Variants in KIR2DL4 observed in about 807,000 individuals in gnomAD.
KIR2DL4 encodes killer cell immunoglobulin-like receptor 2DL4.
KIR2DL4 carries 41 observed loss-of-function variants against 31.0 expected under a neutral mutation model. That is an observed-to-expected ratio of 1.32 (90% CI 1.03 to 1.72). The LOEUF is 1.72. KIR2DL4 is among the 40% of genes most tolerant of loss of function. The pLI is 0.00. For synonymous variants in KIR2DL4, 164 were observed against 133.6 expected (o/e 1.23, Z -1.57); for missense variants, 438 against 353.7 (o/e 1.24, Z -1.91).
intron 2 of KIR2DL4, among the ~76,000 whole-genome samples, chr19:54,804,158 G>A (rs1302223458): frequency 9.3e-6 from 1 of 107,700 alleles, no homozygotes; most frequent in Non-Finnish European, 2.0e-5. Context: ...GGTATGCTCA[G>A]CCCTCTGTTT....
intron 4 of KIR2DL4, among the ~76,000 whole-genome samples, 188 bp downstream of exon 4, chr19:54,806,432 C>T (rs1477005876): frequency 6.6e-6 from 1 of 151,150 alleles, no homozygotes; most frequent in East Asian, 1.9e-4. Context: ...TGCATGGAAG[C>T]TTGCAGTAAG....
chr19:54,806,378 C>T (rs1601147964), intron 4 of KIR2DL4, 134 bp downstream of exon 4: 1 of 1,027,554 alleles, frequency 9.7e-7, no homozygotes, highest in Non-Finnish European at 1.4e-6. Flanking sequence ...GGGATCAGGG[C>T]ACAGGATGGC....
intron 5 of KIR2DL4, among the ~76,000 whole-genome samples, chr19:54,810,105 A>C (rs1473785473): frequency 6.8e-6 from 1 of 147,360 alleles, no homozygotes; most frequent in Non-Finnish European, 1.5e-5. Context: ...GCATCTGTGC[A>C]TGAGAATGAT....
intron 2 of KIR2DL4, 115 bp from the exon 3 acceptor site, chr19:54,804,678 C>A: frequency 8.9e-7 from 1 of 1,129,682 alleles, no homozygotes; most frequent in East Asian, 2.4e-5. Context: ...TAGCCCCAGG[C>A]ACCCAGGTGT....
chr19:54,813,201 CCTT>C lies in KIR2DL4; in HGVS notation c.785_787del (p.Leu262del), dbSNP rs762372132. The stretch of plus-strand genomic sequence containing the variant: ...TCTTTACCATCCTTCCCTTCTTTCT[CCTT>C]CATCGCTGGTGCTCCAAAAAAAAAG... On this transcript the variant is annotated inframe_deletion, in exon 6 of 8. Transcript: ENST00000359085. 26 of 1,531,210 alleles carry C rather than the reference CCTT, an allele frequency of 1.7e-5. No individual in the cohort carries two copies. The East Asian group carries it at 6.0e-4, about 36-fold the overall frequency. 94.9% of individuals were successfully genotyped at this position (1,531,210 alleles called of 1,614,324 possible).
chr19:54,808,872 G>T, exon 5 of KIR2DL4: 1 of 1,604,740 alleles, frequency 6.2e-7, no homozygotes, highest in Non-Finnish European at 8.5e-7. Context: ...ACTGAACCAA[G>T]CTTCAAAACT....
exon 4 of KIR2DL4, chr19:54,806,179 G>A (rs1397909960): frequency 1.2e-6 from 2 of 1,611,524 alleles, no homozygotes; most frequent in East Asian, 2.2e-5. Context: ...AGATGCTTCG[G>A]CTCTTTCCAT....
intron 1 of KIR2DL4, 36 bp from the exon 2 acceptor site, chr19:54,803,855 C>G: frequency 6.3e-7 from 1 of 1,598,524 alleles, no homozygotes; most frequent in Non-Finnish European, 8.6e-7. Context: ...TAGGTTGCTG[C>G]CGAGATGAAT....
exon 4 of KIR2DL4, chr19:54,806,238 G>C (rs901846164): frequency 1.9e-6 from 3 of 1,609,844 alleles, no homozygotes; most frequent in Non-Finnish European, 2.5e-6. Context: ...GCCTGTTTCT[G>C]TCACAGGTGA....
intron 7 of KIR2DL4, 40 bp from the exon 7 acceptor site, chr19:54,813,802 T>A (rs2061029969): frequency 1.2e-6 from 2 of 1,611,608 alleles, no homozygotes; most frequent in East Asian, 4.5e-5. Context: ...TCCTGAAAAA[T>A]GTGAACACCC....
At chr19:54,813,114 T>C (rs1282164122) in intron 5 of KIR2DL4, 4 of 1,438,156 alleles carry the variant, frequency 2.8e-6, no homozygotes, top group African/African-American at 1.7e-5. Context: ...TGGATTCCCA[T>C]CTTCCTCCAG....
intron 6 of KIR2DL4, 103 bp from the exon 6 acceptor site, chr19:54,813,587 A>T: frequency 8.4e-7 from 1 of 1,187,596 alleles, no homozygotes. Context: ...CAGCTGAGGG[A>T]CCTCAGGCAC....
intron 5 of KIR2DL4, among the ~76,000 whole-genome samples, chr19:54,812,424 C>T (rs1391929713): frequency 6.6e-6 from 1 of 151,350 alleles, no homozygotes; most frequent in Non-Finnish European, 1.5e-5. Context: ...TGATGTTCTC[C>T]TCCAGGAAGA....
intron 5 of KIR2DL4, among the ~76,000 whole-genome samples, chr19:54,809,858 C>A (rs2060751683): frequency 6.6e-6 from 1 of 151,018 alleles, no homozygotes; most frequent in Admixed American, 6.6e-5. Flanking sequence ...AGCTGATTAG[C>A]AACCGTAATT....
chr19:54,806,382 G>A lies in KIR2DL4; in HGVS notation c.655+138G>A. 9 of 1,016,498 alleles carry A rather than the reference G, an allele frequency of 8.9e-6. No individual in the cohort carries two copies. The South Asian group carries it at 9.3e-5, about 10-fold the overall frequency. 63.0% of individuals were successfully genotyped at this position (1,016,498 alleles called of 1,614,324 possible). Reference sequence around the variant, plus strand: ...GGTGTGAGGGTGGGATCAGGGCACAGGATGGCAGACAGGGCACCTCCAAAC... The same window carrying A: ...GGTGTGAGGGTGGGATCAGGGCACAAGATGGCAGACAGGGCACCTCCAAAC... On this transcript the variant is annotated intron_variant, in intron 4 of 7. Transcript: ENST00000359085.
chr19:54,808,654 A>G (rs1220141966), intron 4 of KIR2DL4, among the ~76,000 whole-genome samples, 179 bp from the exon 5 acceptor site: 3 of 150,314 alleles, frequency 2.0e-5, no homozygotes, highest in Non-Finnish European at 2.9e-5. Context: ...TTCTCCTTAT[A>G]CCTTGAAGTC....
intron 5 of KIR2DL4, among the ~76,000 whole-genome samples, chr19:54,810,039 G>A (rs1335638172): frequency 1.3e-5 from 2 of 149,746 alleles, no homozygotes; most frequent in Non-Finnish European, 3.0e-5. Flanking sequence ...AGGATTAAAT[G>A]GGAGGGCAGA....
rs112782365 is a variant in KIR2DL4, at chr19:54,805,262, A to G, written c.361+185A>G. Among the ~76,000 whole-genome samples, 239 of 151,468 alleles carry G rather than the reference A, an allele frequency of 1.6e-3. 6 individuals carry two copies. Among genetic ancestry groups the G allele is most frequent in the African/African-American group, 5.4e-3 (223 of 41,078 alleles). On this transcript the variant is annotated intron_variant, in intron 3 of 7. Transcript: ENST00000359085. The stretch of plus-strand genomic sequence containing the variant: ...CTGTCCCCATCGATGGCCACATTGT[A>G]ATCCTTGGAGCCTGTGACTATGTTA...
At chr19:54,807,036 T>C (rs1283551119) in intron 4 of KIR2DL4, among the ~76,000 whole-genome samples, 5 of 133,554 alleles carry the variant, frequency 3.7e-5, no homozygotes, top group African/African-American at 1.6e-4. Context: ...TAAATACTTT[T>C]ATATTCTTCT....
Sources: allele counts gnomAD v4.1 joint callset (sites outside exome capture counted in the v4.1 genomes callset), GRCh38; gene constraint gnomAD v4.1.1; transcripts MANE v1.5; gene names NCBI Gene and HGNC (gene_info 2026-07-23, HGNC 2026-07-21).